The following STRN3 variants were observed in gnomAD, a reference collection of about 807,000 sequenced individuals.
The protein encoded by STRN3 is striatin-3.
In STRN3, 29 loss-of-function variants were observed where a neutral mutation model predicts 95.6. The observed-to-expected ratio is 0.30, with a 90% confidence interval of 0.23 to 0.41. STRN3 has a LOEUF of 0.41. STRN3 is among the 10% of genes least tolerant of loss of function. The pLI, the probability that STRN3 is intolerant of heterozygous loss-of-function variation, is 1.00. For missense variants in STRN3, 890 were observed against 972.1 expected (o/e 0.92, Z 1.12); for synonymous variants, 331 against 357.6 (o/e 0.93, Z 0.84).
intron 1 of STRN3, among the ~76,000 whole-genome samples, chr14:30,992,054 T>C (rs1387432165): frequency 6.6e-6 from 1 of 151,618 alleles, no homozygotes; most frequent in Non-Finnish European, 1.5e-5. Flanking sequence ...AACACAACAG[T>C]AGAGATAATA....
chr14:30,914,944 T>A (rs1418177519), intron 9 of STRN3, among the ~76,000 whole-genome samples: 1 of 152,222 alleles, frequency 6.6e-6, no homozygotes, highest in Non-Finnish European at 1.5e-5. Flanking sequence ...ATTGAATGAC[T>A]ATTATCTAAA....
intron 4 of STRN3, among the ~76,000 whole-genome samples, chr14:30,948,017 A>G (rs1183656351): frequency 6.6e-6 from 1 of 152,184 alleles, no homozygotes; most frequent in Non-Finnish European, 1.5e-5. Flanking sequence ...GAAAAAGACT[A>G]GATCAGGACA....
At chr14:30,924,055 A>G (rs79428949) in intron 8 of STRN3, among the ~76,000 whole-genome samples, 13,629 of 151,842 alleles carry the variant, frequency 0.09, 837 homozygotes, top group South Asian at 0.25. Context: ...AAAAAGTGAA[A>G]GAAAACTGAG....
rs531568767 is a variant in STRN3 at position 30,940,029 on chromosome 14, G to GTT, written c.717-3407_717-3406dup. Among the ~76,000 whole-genome samples the GTT allele has an allele frequency of 1.6e-3, 240 of 146,272 alleles. 9 individuals carry two copies. In the South Asian group the frequency reaches 0.05, roughly 31 times the overall value. On this transcript the variant is annotated intron_variant, in intron 5 of 17. Coordinates refer to ENST00000357479, the MANE Select transcript of STRN3 (RefSeq NM_001083893.2). Reference sequence around the variant, plus strand: ...TTTTCCTGAAATAACTGCCTAGTGTGTTTTTTTTTTAATTGCCTGGTTTTC... The same window carrying GTT: ...TTTTCCTGAAATAACTGCCTAGTGTGTTTTTTTTTTTTAATTGCCTGGTTTTC...
At chr14:30,939,561 T>C (rs1594466501) in intron 5 of STRN3, among the ~76,000 whole-genome samples, 1 of 152,128 alleles carries the variant, frequency 6.6e-6, no homozygotes, top group East Asian at 1.9e-4. Context: ...GTATCGTCAA[T>C]CTTTTGCTGT....
chr14:30,904,407 G>T (rs1896406169), intron 15 of STRN3, among the ~76,000 whole-genome samples: 1 of 152,122 alleles, frequency 6.6e-6, no homozygotes, highest in Non-Finnish European at 1.5e-5. Context: ...CCATGAGAGA[G>T]TATGATGATA....
At chr14:31,022,101 C>T (rs1262193716) in intron 1 of STRN3, among the ~76,000 whole-genome samples, 1 of 152,044 alleles carries the variant, frequency 6.6e-6, no homozygotes, top group Admixed American at 6.6e-5. Flanking sequence ...CACTGTCGGC[C>T]GGGCGCGGTG....
chr14:30,976,298 C>T, intron 1 of STRN3, among the ~76,000 whole-genome samples: 1 of 152,108 alleles, frequency 6.6e-6, no homozygotes, highest in Non-Finnish European at 1.5e-5. Flanking sequence ...ACTTCAGAAC[C>T]AGGATAATTA....
intron 5 of STRN3, among the ~76,000 whole-genome samples, chr14:30,937,184 T>C (rs1252011052): frequency 1.3e-5 from 2 of 151,902 alleles, no homozygotes; most frequent in African/African-American, 2.4e-5. Flanking sequence ...TATGGTGGTG[T>C]GTGCCTATAG....
rs1878756677 is a variant in STRN3 at position 30,935,146 on chromosome 14, T to C, written c.988+17A>G. On this transcript the variant is annotated intron_variant, in intron 7 of 17. Transcript: ENST00000357479. ...GGGCTAGATTTCCTCCCACCCGGTA[T>C]TTCTTTATCACCTTACCCCATTCTG... The C allele has an allele frequency of 6.2e-7, 1 of 1,611,086 alleles. No homozygotes were observed. Among genetic ancestry groups the C allele is most frequent in the African/African-American group, 1.3e-5 (1 of 74,708 alleles).
At chr14:30,975,376 T>C (rs1399572611) in intron 1 of STRN3, among the ~76,000 whole-genome samples, 1 of 151,598 alleles carries the variant, frequency 6.6e-6, no homozygotes, top group Admixed American at 6.6e-5. Context: ...ATAAGAATGA[T>C]ATAATGAACT....
chr14:30,981,180 C>T (rs1206744588), intron 1 of STRN3, among the ~76,000 whole-genome samples: 21 of 152,038 alleles, frequency 1.4e-4, no homozygotes, highest in East Asian at 7.8e-4. Flanking sequence ...CCAGGCATGA[C>T]GGTGTGCACC....
intron 3 of STRN3, 103 bp downstream of exon 3, chr14:30,955,517 T>A: frequency 1.1e-6 from 1 of 920,500 alleles, no homozygotes; most frequent in Non-Finnish European, 1.6e-6. Flanking sequence ...TTTACAATAG[T>A]CATTCTCTAA....
chr14:30,998,052 A>G (rs1882282927), intron 1 of STRN3, among the ~76,000 whole-genome samples: 1 of 152,182 alleles, frequency 6.6e-6, no homozygotes. Context: ...TTTCCACAGT[A>G]TCCATGAAAT....
chr14:30,967,981 C>T (rs887794643), intron 1 of STRN3, among the ~76,000 whole-genome samples: 1 of 152,102 alleles, frequency 6.6e-6, no homozygotes, highest in African/African-American at 2.4e-5. Context: ...TAGAGGCAGT[C>T]AGGAAAACTG....
chr14:30,951,091 T>TGGGTCA, intron 3 of STRN3, 147 bp from the exon 4 acceptor site: 1 of 656,894 alleles, frequency 1.5e-6, no homozygotes, highest in South Asian at 2.0e-5. Flanking sequence ...GTATTAACTG[T>TGGGTCA]GGGTCACTCA....
At chr14:30,980,176 C>T (rs531497345) in intron 1 of STRN3, among the ~76,000 whole-genome samples, 1 of 151,922 alleles carries the variant, frequency 6.6e-6, no homozygotes, top group South Asian at 2.1e-4. Context: ...GCCCAAGAGG[C>T]GGAGGCTGCA....
rs531825657 is a variant in STRN3 at position 30,991,751 on chromosome 14, CG to C, written c.282+34152del. On this transcript the variant is annotated intron_variant, in intron 1 of 17. Transcript: ENST00000357479. ...GGTAGAGGAGAGGAGGAGGAAGAGA[CG>C]GAACATAAAACCGAAAGGTTAGAAG... is the stretch of plus-strand genomic sequence containing the variant. 1.6e-4 allele frequency among the ~76,000 whole-genome samples: 25 copies of C among 151,630 alleles called. No individual in the cohort carries two copies. In the South Asian group the frequency reaches 5.2e-3, roughly 32 times the overall value.
chr14:30,916,805 G>A (rs570978961), intron 9 of STRN3, among the ~76,000 whole-genome samples: 13 of 152,106 alleles, frequency 8.5e-5, no homozygotes, highest in Non-Finnish European at 2.9e-5. Context: ...CTAGTATAAC[G>A]GGTCTATAAA....
Sources: allele counts gnomAD v4.1 joint callset (sites outside exome capture counted in the v4.1 genomes callset), GRCh38; gene constraint gnomAD v4.1.1; transcripts MANE v1.5; gene names NCBI Gene and HGNC (gene_info 2026-07-23, HGNC 2026-07-21).